The following SLIT3 variants were observed in gnomAD, a reference collection of about 807,000 sequenced individuals.
SLIT3 encodes slit guidance ligand 3, also known as slit homolog 3 protein.
A neutral mutation model predicts 184.0 loss-of-function variants in SLIT3; 68 were observed. That is an observed-to-expected ratio of 0.37 (90% CI 0.30 to 0.45). The LOEUF (loss-of-function observed/expected upper bound fraction) is 0.45. Among genes scored for constraint, SLIT3 ranks in the 20% least tolerant of loss-of-function variants. SLIT3 has a pLI of 1.00. For synonymous variants in SLIT3, 831 were observed against 828.6 expected (o/e 1.00, Z -0.05); for missense variants, 1,707 against 2,026.0 (o/e 0.84, Z 3.02).
chr5:168,736,693 T>C (rs140592422), intron 20 of SLIT3, among the ~76,000 whole-genome samples: 9 of 151,480 alleles, frequency 5.9e-5, no homozygotes, highest in Non-Finnish European at 1.0e-4. Context: ...TCCTCCCTGC[T>C]GCAATGCAGA....
At chr5:169,143,557 G>A (rs1464175638) in intron 4 of SLIT3, among the ~76,000 whole-genome samples, 1 of 152,218 alleles carries the variant, frequency 6.6e-6, no homozygotes, top group Non-Finnish European at 1.5e-5. Flanking sequence ...CCAGCACTTC[G>A]GGAGGCCGAG....
chr5:168,668,091 A>G (rs577642381), intron 35 of SLIT3, among the ~76,000 whole-genome samples: 7 of 152,304 alleles, frequency 4.6e-5, no homozygotes, highest in African/African-American at 1.7e-4. Context: ...ACTGCCTGGG[A>G]TCCTGGTGGC....
intron 1 of SLIT3, among the ~76,000 whole-genome samples, chr5:169,269,379 G>A (rs1766518790): frequency 6.6e-6 from 1 of 152,182 alleles, no homozygotes; most frequent in African/African-American, 2.4e-5. Context: ...ACTCTCTATG[G>A]TTCTCCACCT....
intron 6 of SLIT3, among the ~76,000 whole-genome samples, chr5:168,825,405 T>A (rs994811692): frequency 6.6e-6 from 1 of 152,194 alleles, no homozygotes; most frequent in Non-Finnish European, 1.5e-5. Flanking sequence ...CCCCCACATC[T>A]ACTTATCATC....
intron 3 of SLIT3, among the ~76,000 whole-genome samples, chr5:169,207,697 A>G (rs908847676): frequency 3.3e-5 from 5 of 152,118 alleles, no homozygotes; most frequent in African/African-American, 1.2e-4. Context: ...CCCCTGTGCT[A>G]TGGTCCAAAT....
intron 4 of SLIT3, among the ~76,000 whole-genome samples, chr5:168,890,320 T>C (rs1301033709): frequency 1.3e-5 from 2 of 152,114 alleles, no homozygotes; most frequent in Non-Finnish European, 2.9e-5. Flanking sequence ...AAGAGAGAGA[T>C]GCCAATCTGA....
intron 20 of SLIT3, among the ~76,000 whole-genome samples, chr5:168,728,453 C>T (rs1196225842): frequency 6.6e-6 from 1 of 151,962 alleles, no homozygotes; most frequent in Non-Finnish European, 1.5e-5. Flanking sequence ...TGTCCAGCAA[C>T]AGATCCCAAT....
intron 1 of SLIT3, among the ~76,000 whole-genome samples, chr5:169,262,764 T>C (rs1409254320): frequency 6.6e-6 from 1 of 152,202 alleles, no homozygotes; most frequent in Non-Finnish European, 1.5e-5. Flanking sequence ...CAGACATGTA[T>C]TGAGCACCTA....
chr5:168,915,741 C>T (rs959685581), intron 4 of SLIT3, among the ~76,000 whole-genome samples: 2 of 152,014 alleles, frequency 1.3e-5, no homozygotes, highest in African/African-American at 4.8e-5. Flanking sequence ...ATCTGCTCAT[C>T]AGCTACATGT....
chr5:169,080,120 T>G (rs891009380), intron 4 of SLIT3, among the ~76,000 whole-genome samples: 1 of 151,516 alleles, frequency 6.6e-6, no homozygotes, highest in East Asian at 1.9e-4. Flanking sequence ...AGGAGTCTGG[T>G]GGAAGGAAAA....
intron 4 of SLIT3, among the ~76,000 whole-genome samples, chr5:168,986,583 T>G (rs1755139496): frequency 6.6e-6 from 1 of 152,190 alleles, no homozygotes; most frequent in Non-Finnish European, 1.5e-5. Context: ...TATCATAACT[T>G]GCATGACCTG....
In SLIT3 at chr5:169,292,914, C is replaced by T. The variant is rs115981867; in HGVS notation, c.197+7599G>A. ...GTCAGGCAGCTTGGTCAAAATGAGC[C>T]TACCCAGGGCTGTGGCTGTCCAAAG... On this transcript the variant is annotated intron_variant, in intron 1 of 35. Transcript: ENST00000519560. 2.6e-3 allele frequency among the ~76,000 whole-genome samples: 403 copies of T among 152,314 alleles called. 2 individuals are homozygous for T. The highest frequency in any genetic ancestry group is 9.3e-3 in the African/African-American group (387 of 41,562).
chr5:168,775,005 C>T (rs537547658), intron 12 of SLIT3, among the ~76,000 whole-genome samples: 1 of 152,040 alleles, frequency 6.6e-6, no homozygotes. Flanking sequence ...CCCCACTCAC[C>T]CCAAACTCAC....
Position 168,685,366 on chromosome 5 carries a change from A to G in SLIT3, c.3555+321T>C, listed in dbSNP as rs141584097. Among the ~76,000 whole-genome samples, 646 of 152,346 alleles carry G rather than the reference A, an allele frequency of 4.2e-3. 5 individuals carry two copies. The highest frequency in any genetic ancestry group is 0.014 in the African/African-American group (590 of 41,590). ...CAGAATGAGATTCTTGGATTAGTGG[A>G]TAGGCCTCAGACAAGGGGTTTTGTC... On this transcript the variant is annotated intron_variant, in intron 31 of 35. Coordinates refer to ENST00000519560, the MANE Select transcript of SLIT3 (RefSeq NM_003062.4).
chr5:168,843,977 GC>G (rs1443131605), intron 6 of SLIT3, among the ~76,000 whole-genome samples: 2 of 137,060 alleles, frequency 1.5e-5, no homozygotes, highest in African/African-American at 2.8e-5. Context: ...CCTATTTCCT[GC>G]CCCCCGCCCC....
At chr5:168,800,077 A>G (rs545600712) in intron 9 of SLIT3, among the ~76,000 whole-genome samples, 1 of 152,164 alleles carries the variant, frequency 6.6e-6, no homozygotes, top group Non-Finnish European at 1.5e-5. Flanking sequence ...TGAAGGAAGG[A>G]AGCCCCATGT....
chr5:169,065,008 T>G (rs970576337), intron 4 of SLIT3, among the ~76,000 whole-genome samples: 1 of 152,182 alleles, frequency 6.6e-6, no homozygotes, highest in Non-Finnish European at 1.5e-5. Flanking sequence ...TCCTCAAAAC[T>G]TTGCCTTTGA....
At chr5:168,866,139 C>T (rs13185393) in intron 5 of SLIT3, among the ~76,000 whole-genome samples, 15,901 of 152,122 alleles carry the variant, frequency 0.1, 901 homozygotes, top group East Asian at 0.22. Context: ...GCAGCCAGCT[C>T]GCAGCCTAGC....
At chr5:168,859,169 G>C (rs1404724750) in intron 5 of SLIT3, among the ~76,000 whole-genome samples, 1 of 152,202 alleles carries the variant, frequency 6.6e-6, no homozygotes, top group Non-Finnish European at 1.5e-5. Context: ...GCAGAAGCAG[G>C]GGGTGGAGGG....
Sources: allele counts gnomAD v4.1 joint callset (sites outside exome capture counted in the v4.1 genomes callset), GRCh38; gene constraint gnomAD v4.1.1; transcripts MANE v1.5; gene names NCBI Gene and HGNC (gene_info 2026-07-23, HGNC 2026-07-21).